SLC22A24: variants seen among roughly 807,000 people sequenced by gnomAD.
The protein encoded by SLC22A24 is solute carrier family 22 member 24, also known as steroid transmembrane transporter SLC22A24.
In SLC22A24, 53 loss-of-function variants were observed where a neutral mutation model predicts 49.8. That is an observed-to-expected ratio of 1.06 (90% CI 0.85 to 1.34). The LOEUF (loss-of-function observed/expected upper bound fraction) is 1.34. SLC22A24 is among the 40% of genes most tolerant of loss of function. The probability of loss-of-function intolerance (pLI) is 0.00; values close to 1 mark genes in which losing one functional copy is unlikely to be tolerated. For synonymous variants in SLC22A24, 302 were observed against 256.4 expected (o/e 1.18, Z -1.70); for missense variants, 786 against 675.9 (o/e 1.16, Z -1.81).
At chr11:63,123,875 C>A (rs1241241963) in intron 2 of SLC22A24, among the ~76,000 whole-genome samples, 1 of 152,122 alleles carries the variant, frequency 6.6e-6, no homozygotes, top group South Asian at 2.1e-4. Context: ...ATTTCAACAG[C>A]CTTTTAAATG....
chr11:63,102,807 C>T (rs1013155226), intron 5 of SLC22A24, among the ~76,000 whole-genome samples: 4 of 152,130 alleles, frequency 2.6e-5, no homozygotes, highest in African/African-American at 7.2e-5. Flanking sequence ...GAACTTCTAA[C>T]GTTTGCCTGG....
At chr11:63,130,252 GGT>G in intron 2 of SLC22A24, among the ~76,000 whole-genome samples, 1 of 152,270 alleles carries the variant, frequency 6.6e-6, no homozygotes, top group South Asian at 2.1e-4. Context: ...TTTTGTCATT[GGT>G]TCTGTTTATG....
In SLC22A24 at chr11:63,116,715, C is replaced by T. The variant is rs180967577; in HGVS notation, c.830+2197G>A. 2.6e-5 allele frequency among the ~76,000 whole-genome samples: 4 copies of T among 152,260 alleles called. No individual in the cohort carries two copies. The East Asian group carries it at 5.8e-4, about 22-fold the overall frequency. ...TCTCAGCCCTCGCCTTCTGGGACTA[C>T]AAAATGCATATGTTGATACCCTTGA... On this transcript the variant is annotated intron_variant, in intron 4 of 9. Coordinates refer to ENST00000612278, the MANE Select transcript of SLC22A24 (RefSeq NM_001136506.2).
intron 2 of SLC22A24, among the ~76,000 whole-genome samples, chr11:63,121,351 T>C (rs2087250468): frequency 6.6e-6 from 1 of 152,056 alleles, no homozygotes; most frequent in African/African-American, 2.4e-5. Context: ...TATCGAGATG[T>C]TAATATTAGA....
Position 63,083,414 on chromosome 11 carries a change from G to T in SLC22A24, c.1114C>A (p.Gln372Lys), listed in dbSNP as rs1372646216. Residue 372 changes from glutamine to lysine, a missense_variant, in exon 7 of 10, where the codon CAG becomes AAG. By Grantham distance (53) the Gln-to-Lys change is moderately conservative (BLOSUM62 1). Transcript: ENST00000612278. ...AGGGAGACATTGCTCCCTAAGTGCT[G>T]CAAGTTGAGTATCAGGCCATAAAAG... ...VPFYGLILNLQHLGSNVSLFQ... is the reference protein window; with the variant it reads ...VPFYGLILNLKHLGSNVSLFQ... 1 of 1,551,310 alleles carries T rather than the reference G, an allele frequency of 6.4e-7. No individual in the cohort carries two copies.
In SLC22A24 at chr11:63,107,882, T is replaced by G. The variant is rs112907981; in HGVS notation, c.831-3584A>C. 9.7e-4 allele frequency among the ~76,000 whole-genome samples: 148 copies of G among 152,118 alleles called. 2 individuals are homozygous for G. The highest frequency in any genetic ancestry group is 3.1e-3 in the African/African-American group (129 of 41,518). ...TATACAATCATGTCATCTGCAAACA[T>G]GGACAATTTGACTTCCTCTTTTCCT... On this transcript the variant is annotated intron_variant, in intron 4 of 9. Transcript: ENST00000612278.
At chr11:63,131,376 T>A (rs540542503) in intron 2 of SLC22A24, among the ~76,000 whole-genome samples, 36 of 152,326 alleles carry the variant, frequency 2.4e-4, no homozygotes, top group Non-Finnish European at 4.7e-4. Context: ...ATAGTGTCAA[T>A]GGTCTTTACA....
chr11:63,108,147 C>T (rs950564414), intron 4 of SLC22A24, among the ~76,000 whole-genome samples: 3 of 152,060 alleles, frequency 2.0e-5, no homozygotes, highest in African/African-American at 7.2e-5. Flanking sequence ...GCATGCAGGG[C>T]TATTGAATTT....
At chr11:63,135,911 C>T (rs904834160) in intron 1 of SLC22A24, among the ~76,000 whole-genome samples, 3 of 152,176 alleles carry the variant, frequency 2.0e-5, no homozygotes, top group Non-Finnish European at 4.4e-5. Flanking sequence ...CGGAAGTCAA[C>T]AATGACCAGT....
At chr11:63,105,209 T>C (rs2087113459) in intron 4 of SLC22A24, among the ~76,000 whole-genome samples, 1 of 152,220 alleles carries the variant, frequency 6.6e-6, no homozygotes, top group South Asian at 2.1e-4. Context: ...TGGATGCTTT[T>C]GCAGTCTGGC....
chr11:63,089,987 A>C (rs1454088601), intron 6 of SLC22A24, among the ~76,000 whole-genome samples: 1 of 145,184 alleles, frequency 6.9e-6, no homozygotes, highest in East Asian at 2.2e-4. Flanking sequence ...AGGCTGAGGC[A>C]GGAGAATGGC....
intron 2 of SLC22A24, among the ~76,000 whole-genome samples, chr11:63,124,618 T>TA (rs2087275279): frequency 6.6e-6 from 1 of 152,274 alleles, no homozygotes; most frequent in South Asian, 2.1e-4. Flanking sequence ...GTTATTGAAA[T>TA]AAATTATTTT....
At chr11:63,118,021 G>C (rs1014787592) in intron 4 of SLC22A24, among the ~76,000 whole-genome samples, 2 of 152,172 alleles carry the variant, frequency 1.3e-5, no homozygotes, top group African/African-American at 4.8e-5. Context: ...ACATTTGTCA[G>C]TAAATATGTT....
chr11:63,087,902 G>A lies in SLC22A24; in HGVS notation c.1071-4445C>T, dbSNP rs533909364. Among the ~76,000 whole-genome samples the A allele has an allele frequency of 2.6e-5, 4 of 152,306 alleles. No individual in the cohort carries two copies. The South Asian group carries it at 6.2e-4, about 24-fold the overall frequency. On this transcript the variant is annotated intron_variant, in intron 6 of 9. Coordinates refer to ENST00000612278, the MANE Select transcript of SLC22A24 (RefSeq NM_001136506.2). ...AAGCATCTCTGAAGGAAAGGCAACA[G>A]CCCCAGTAAGAGGTTTACAGACAAA...
At chr11:63,099,072 C>A (rs2087073683) in intron 5 of SLC22A24, among the ~76,000 whole-genome samples, 1 of 152,062 alleles carries the variant, frequency 6.6e-6, no homozygotes, top group South Asian at 2.1e-4. Flanking sequence ...TGAAGAAATT[C>A]AAAACCTGAA....
chr11:63,106,331 G>A (rs1011291403), intron 4 of SLC22A24, among the ~76,000 whole-genome samples: 3 of 151,902 alleles, frequency 2.0e-5, no homozygotes, highest in Non-Finnish European at 2.9e-5. Flanking sequence ...CCAGTCTATC[G>A]TTGTTGGACA....
intron 4 of SLC22A24, among the ~76,000 whole-genome samples, chr11:63,117,026 A>G (rs2087217311): frequency 6.6e-6 from 1 of 151,994 alleles, no homozygotes; most frequent in South Asian, 2.1e-4. Context: ...TCTTGAGCAT[A>G]TTTAACTTAG....
At chr11:63,093,761 G>T (rs1432940877) in intron 6 of SLC22A24, among the ~76,000 whole-genome samples, 1 of 152,000 alleles carries the variant, frequency 6.6e-6, no homozygotes, top group Middle Eastern at 3.2e-3. Flanking sequence ...CAATACCTGG[G>T]TGATGAAATA....
intron 4 of SLC22A24, among the ~76,000 whole-genome samples, chr11:63,114,705 T>C (rs1314440288): frequency 1.3e-5 from 2 of 152,244 alleles, no homozygotes; most frequent in African/African-American, 4.8e-5. Flanking sequence ...TATCTACCTT[T>C]GGTCTTTGAT....
Sources: gnomAD v4.1 joint callset for allele counts (sites outside exome capture counted in the v4.1 genomes callset) on GRCh38, gnomAD v4.1.1 for gene constraint, MANE v1.5 for transcripts, NCBI Gene and HGNC (gene_info 2026-07-23, HGNC 2026-07-21) for gene names.